The following ORC4 variants were observed in gnomAD, a reference collection of about 807,000 sequenced individuals.
ORC4 encodes the protein origin recognition complex subunit 4, also known as origin recognition complex, subunit 4 homolog.
In ORC4, 55 loss-of-function variants were observed where a neutral mutation model predicts 63.9. The observed-to-expected ratio is 0.86, with a 90% CI of 0.69 to 1.08. The LOEUF is 1.08. ORC4 is among the 50% of genes least tolerant of loss of function. ORC4 has a pLI of 0.00. For missense variants in ORC4, 511 were observed against 504.4 expected, an observed-to-expected ratio of 1.01 and a Z score of -0.13; for synonymous variants, 150 against 168.5, an observed-to-expected ratio of 0.89 and a Z score of 0.85.
At chr2:148,011,377 T>C (rs981268051) in intron 1 of ORC4, among the ~76,000 whole-genome samples, 14 of 152,188 alleles carry the variant, frequency 9.2e-5, no homozygotes, top group Admixed American at 6.5e-4. Flanking sequence ...ACAAAGTGTA[T>C]TGTCATTTCA....
chr2:147,996,993 A>T (rs1367487926), intron 1 of ORC4, among the ~76,000 whole-genome samples: 1 of 152,216 alleles, frequency 6.6e-6, no homozygotes, highest in Non-Finnish European at 1.5e-5. Context: ...CAAAACTTGG[A>T]AGTAAGCAAG....
At chr2:147,952,606 T>C (rs1689022310) in intron 7 of ORC4, 82 bp from the exon 8 acceptor site, 5 of 1,084,062 alleles carry the variant, frequency 4.6e-6, no homozygotes, top group Non-Finnish European at 7.1e-6. Flanking sequence ...TATATTTCAG[T>C]TTTTAAAACT....
At chr2:147,960,461 A>G in intron 4 of ORC4, 2 of 597,800 alleles carry the variant, frequency 3.3e-6, no homozygotes, top group Non-Finnish European at 4.2e-6. Context: ...ATTATACACT[A>G]AAAATATTTA....
At chr2:147,993,469 T>A (rs1418735521) in intron 1 of ORC4, among the ~76,000 whole-genome samples, 1 of 152,212 alleles carries the variant, frequency 6.6e-6, no homozygotes, top group African/African-American at 2.4e-5. Flanking sequence ...TAAAAACTTT[T>A]AGGAATAATA....
chr2:147,932,455 CT>C lies in ORC4; in HGVS notation c.*3054del, dbSNP rs1005030044. ...TTCTTCACAGAATTGGAAAAAACTA[CT>C]TAAGTTCATATGGAACCAAAAAAGA... On this transcript the variant is annotated 3_prime_UTR_variant, in exon 14 of 14. Transcript: ENST00000392857. The C allele has an allele frequency of 6.6e-6, 1 of 152,142 alleles. No individual in the cohort carries two copies. The highest frequency in any genetic ancestry group is 2.4e-5 in the African/African-American group (1 of 41,426). 9.4% of individuals were successfully genotyped at this position (152,142 alleles called of 1,614,324 possible).
At chr2:147,957,137 ATAAT>A (rs964058985) in intron 6 of ORC4, among the ~76,000 whole-genome samples, 3 of 147,710 alleles carry the variant, frequency 2.0e-5, no homozygotes, top group African/African-American at 7.4e-5. Context: ...ATTATAATCT[ATAAT>A]TACATATAAT....
intron 1 of ORC4, among the ~76,000 whole-genome samples, chr2:147,991,158 C>T (rs1040625942): frequency 6.6e-6 from 1 of 151,746 alleles, no homozygotes. Context: ...AGCGATTCTC[C>T]TGCCTCAGCC....
Position 147,938,105 on chromosome 2 carries a change from T to A in ORC4, c.1122+41A>T, listed in dbSNP as rs933431302. 3 of 1,334,856 alleles carry A rather than the reference T, an allele frequency of 2.2e-6. No homozygotes were observed. In the African/African-American group the frequency reaches 4.3e-5, roughly 19 times the overall value. 82.7% of individuals were successfully genotyped at this position (1,334,856 alleles called of 1,614,324 possible). A position where few individuals can be genotyped will look rare whatever the true frequency, so the allele number is the denominator to read the frequency against. ...ACATAATCAAATTGGATGTAAAAAA[T>A]ATACTTGTCTGTAGAAAAATGACAG... On this transcript the variant is annotated intron_variant, in intron 13 of 13. Transcript: ENST00000392857.
At chr2:147,951,577 G>A (rs1031704741) in intron 8 of ORC4, 1 of 152,146 alleles carries the variant, frequency 6.6e-6, no homozygotes, top group African/African-American at 2.4e-5. Flanking sequence ...ACCATGTCAT[G>A]CAGCATGAAA....
chr2:147,952,087 G>A lies in ORC4; in HGVS notation c.588+286C>T, dbSNP rs773262662. On this transcript the variant is annotated intron_variant, in intron 8 of 13. Coordinates refer to ENST00000392857, the MANE Select transcript of ORC4 (RefSeq NM_181741.4). The stretch of plus-strand genomic sequence containing the variant: ...TCTCAAATATTGGTGAGATTTAACC[G>A]CCTCATTACTTGATAATGTAGAAAT... Among the ~76,000 whole-genome samples, 6 of 152,192 alleles carry A rather than the reference G, an allele frequency of 3.9e-5. No homozygotes were observed. In the South Asian group the frequency reaches 6.2e-4, roughly 16 times the overall value.
At position 147,935,624 on chromosome 2, in the gene ORC4, G is replaced by A. The variant is rs1411961511; in HGVS notation, c.1197C>T (p.Tyr399=). Residue 399 remains tyrosine, a synonymous_variant, in exon 14 of 14, where the codon TAC becomes TAT. Transcript: ENST00000392857. ...TATCCAAAAGCAGTTTCATCAGCTG[G>A]TACTCTCTCTGTGAATTTCCTGAAG... ...ERTSGNSQRE[Y]QLMKLLLDNT... 4.3e-6 allele frequency: 7 copies of A among 1,613,154 alleles called. No individual in the cohort carries two copies. The highest frequency in any genetic ancestry group is 5.9e-6 in the Non-Finnish European group (7 of 1,179,420).
chr2:148,006,494 C>A (rs556959144), intron 1 of ORC4, among the ~76,000 whole-genome samples: 20 of 152,230 alleles, frequency 1.3e-4, no homozygotes, highest in African/African-American at 4.6e-4. Context: ...TAAGGGAATC[C>A]CTGAGGCACC....
In ORC4 at chr2:147,991,556, T is replaced by C. The variant is rs557949445; in HGVS notation, c.-17-15581A>G. ...AGAAATTACTACAGTTGGCCGGGCA[T>C]GGTGGCTCACACCTGTAATCCCAGC... is the stretch of plus-strand genomic sequence containing the variant. On this transcript the variant is annotated intron_variant, in intron 1 of 13. Transcript: ENST00000392857. Among the ~76,000 whole-genome samples, 16 of 152,078 alleles carry C rather than the reference T, an allele frequency of 1.1e-4. 1 individual carries two copies. The highest frequency in any genetic ancestry group is 3.4e-4 in the African/African-American group (14 of 41,508).
rs183424031 is a variant in ORC4 at position 148,019,330 on chromosome 2, C to T, written c.-18+1303G>A. ...ACCGGCCGGGCGCGGTGGCTCACGC[C>T]TGTAATCCCAGCACTTTGGGAGGCC... On this transcript the variant is annotated intron_variant, in intron 1 of 13. Coordinates refer to ENST00000392857, the MANE Select transcript of ORC4 (RefSeq NM_181741.4). Among the ~76,000 whole-genome samples the T allele has an allele frequency of 7.5e-4, 115 of 152,326 alleles. 1 individual carries two copies. Among genetic ancestry groups the T allele is most frequent in the Admixed American group, 7.5e-3 (114 of 15,302 alleles).
chr2:148,007,954 T>C (rs948819972), intron 1 of ORC4, among the ~76,000 whole-genome samples: 4 of 151,922 alleles, frequency 2.6e-5, no homozygotes, highest in Non-Finnish European at 4.4e-5. Context: ...CAGAAGAGAG[T>C]AGAATAGTAT....
At chr2:147,981,314 C>T (rs528073917) in intron 1 of ORC4, among the ~76,000 whole-genome samples, 197 of 152,238 alleles carry the variant, frequency 1.3e-3, no homozygotes, top group Non-Finnish European at 2.5e-3. Context: ...AGCATGGATA[C>T]GCTGGACGAA....
rs1687914582 is a variant in ORC4 at position 147,934,013 on chromosome 2, C to G, written c.*1497G>C. On this transcript the variant is annotated 3_prime_UTR_variant, in exon 14 of 14. Coordinates refer to ENST00000392857, the MANE Select transcript of ORC4 (RefSeq NM_181741.4). ...CTTTGTATCCAAGATTTCATTAAAA[C>G]ATTGTTCCTTAGAGCATACTTTAAA... 6.6e-6 allele frequency: 1 copy of G among 152,162 alleles called. No homozygotes were observed. The highest frequency in any genetic ancestry group is 6.6e-5 in the Admixed American group (1 of 15,252). The allele number at this position is 152,162 out of a possible 1,614,324, so 9.4% of individuals were successfully genotyped here.
intron 5 of ORC4, 38 bp from the exon 6 acceptor site, chr2:147,958,421 T>C (rs750996809): frequency 1.4e-6 from 2 of 1,463,130 alleles, no homozygotes; most frequent in South Asian, 2.3e-5. Flanking sequence ...TAATTAAAAT[T>C]AAACATGTAT....
At chr2:148,013,372 A>C (rs1053327456) in intron 1 of ORC4, among the ~76,000 whole-genome samples, 2 of 152,224 alleles carry the variant, frequency 1.3e-5, no homozygotes, top group Non-Finnish European at 2.9e-5. Context: ...GCTTCAAAAA[A>C]ATTGAAGTCA....
Sources: allele counts gnomAD v4.1 joint callset (sites outside exome capture counted in the v4.1 genomes callset), GRCh38; gene constraint gnomAD v4.1.1; transcripts MANE v1.5; gene names NCBI Gene and HGNC (gene_info 2026-07-23, HGNC 2026-07-21).